BRD10: variants seen among roughly 807,000 people sequenced by gnomAD.
The protein encoded by BRD10 is uncharacterized bromodomain-containing protein 10.
the BRD10 span, among the ~76,000 whole-genome samples, chr9:5,955,065 G>T: frequency 7.1e-4 from 108 of 151,932 alleles, no homozygotes; most frequent in African/African-American, 2.6e-3. Flanking sequence ...TCCAGCCTGG[G>T]CAACAATAGT....
At chr9:5,904,364 C>T in the BRD10 span, among the ~76,000 whole-genome samples, 1 of 151,286 alleles carries the variant, frequency 6.6e-6, no homozygotes, top group Non-Finnish European at 1.5e-5. Context: ...TACCTGTTGC[C>T]TCTGTTCTTT....
chr9:5,895,844 C>T, the BRD10 span, among the ~76,000 whole-genome samples: 1 of 152,238 alleles, frequency 6.6e-6, no homozygotes, highest in Non-Finnish European at 1.5e-5. Context: ...TGGTGCTTTT[C>T]GCTCTCAGTT....
the BRD10 span, among the ~76,000 whole-genome samples, chr9:5,896,875 T>A: frequency 1.3e-5 from 2 of 152,218 alleles, no homozygotes; most frequent in Non-Finnish European, 2.9e-5. Flanking sequence ...ACAGCTTTGC[T>A]GTAGGTTCAG....
the BRD10 span, among the ~76,000 whole-genome samples, chr9:5,991,249 CATATG>C: frequency 7.2e-5 from 11 of 151,874 alleles, 1 homozygote; most frequent in South Asian, 1.0e-3. Context: ...TATTAGTTTT[CATATG>C]ATATGTACGC....
the BRD10 span, among the ~76,000 whole-genome samples, chr9:5,915,205 C>T: frequency 2.0e-5 from 3 of 152,238 alleles, no homozygotes; most frequent in African/African-American, 7.2e-5. Context: ...TGTCTCATCT[C>T]TAGCATTACT....
At chr9:5,956,718 GTTC>G in the BRD10 span, among the ~76,000 whole-genome samples, 1 of 152,104 alleles carries the variant, frequency 6.6e-6, no homozygotes, top group African/African-American at 2.4e-5. Flanking sequence ...CTCCATCTCA[GTTC>G]TTCTTATGCA....
chr9:5,967,709 A>AAAAC, the BRD10 span, among the ~76,000 whole-genome samples: 37 of 151,352 alleles, frequency 2.4e-4, no homozygotes, highest in Non-Finnish European at 4.7e-4. Flanking sequence ...AAAAAAAAAA[A>AAAAC]AACACACATT....
chr9:5,967,904 C>T, the BRD10 span: 1 of 647,818 alleles, frequency 1.5e-6, no homozygotes, highest in Non-Finnish European at 2.6e-6. Context: ...CTCAAATATA[C>T]ACGCATGCAT....
the BRD10 span, among the ~76,000 whole-genome samples, chr9:5,913,042 T>C: frequency 6.6e-6 from 1 of 152,224 alleles, no homozygotes; most frequent in Admixed American, 6.5e-5. Flanking sequence ...CTCAAGTCTC[T>C]ATGCATTTCC....
At chr9:5,920,118 G>C in the BRD10 span, 8 of 1,613,932 alleles carry the variant, frequency 5.0e-6, no homozygotes, top group South Asian at 4.4e-5. Context: ...GGGCTTCTTA[G>C]AGGATGTTGT....
At chr9:5,971,065 A>C in the BRD10 span, among the ~76,000 whole-genome samples, 3 of 150,036 alleles carry the variant, frequency 2.0e-5, no homozygotes. Context: ...AAAAAAAAAA[A>C]AAAAAAAAAA....
At chr9:5,981,967 AATC>A in the BRD10 span, among the ~76,000 whole-genome samples, 5 of 152,122 alleles carry the variant, frequency 3.3e-5, no homozygotes, top group Non-Finnish European at 7.4e-5. Flanking sequence ...GAATCTCAGA[AATC>A]ACCACTAAAG....
the BRD10 span, among the ~76,000 whole-genome samples, chr9:5,896,741 T>A: frequency 6.6e-6 from 1 of 152,316 alleles, no homozygotes; most frequent in East Asian, 1.9e-4. Flanking sequence ...AGGGTCTTTG[T>A]GGTAACTTTG....
the BRD10 span, chr9:5,969,566 C>CTCTGTCTCAAATAA: frequency 1.5e-6 from 1 of 682,246 alleles, no homozygotes; most frequent in Non-Finnish European, 2.4e-6. Context: ...TTATTTGAGA[C>CTCTGTCTCAAATAA]AGAGTCTCGC....
At chr9:5,974,943 C>G in the BRD10 span, among the ~76,000 whole-genome samples, 1 of 152,160 alleles carries the variant, frequency 6.6e-6, no homozygotes. Context: ...AATAATAAAG[C>G]TGTTTCCAAC....
chr9:5,897,767 AT>A, the BRD10 span: 1 of 935,680 alleles, frequency 1.1e-6, no homozygotes, highest in African/African-American at 1.6e-5. Flanking sequence ...TTCAGCTCTG[AT>A]TCCGGCTTCT....
At chr9:5,947,465 T>C in the BRD10 span, among the ~76,000 whole-genome samples, 1 of 152,142 alleles carries the variant, frequency 6.6e-6, no homozygotes, top group South Asian at 2.1e-4. Flanking sequence ...TTGAATTAAA[T>C]GTACGATAAG....
the BRD10 span, among the ~76,000 whole-genome samples, chr9:5,993,325 A>AC: frequency 4.0e-5 from 6 of 151,360 alleles, no homozygotes; most frequent in African/African-American, 1.5e-4. Flanking sequence ...AAAAAAAAAA[A>AC]AAAAAAAAAA....
chr9:5,952,052 C>T, the BRD10 span, among the ~76,000 whole-genome samples: 2 of 138,560 alleles, frequency 1.4e-5, no homozygotes, highest in African/African-American at 5.2e-5. Flanking sequence ...GACAGAGTTT[C>T]CCTCATTGCC....
Sources: allele counts gnomAD v4.1 joint callset (sites outside exome capture counted in the v4.1 genomes callset), GRCh38; gene constraint gnomAD v4.1.1; transcripts MANE v1.5; gene names NCBI Gene and HGNC (gene_info 2026-07-23, HGNC 2026-07-21).